The following TTC28 variants were observed in gnomAD, a reference collection of about 807,000 sequenced individuals.
The protein encoded by TTC28 is tetratricopeptide repeat protein 28.
Under a neutral mutation model 198.0 loss-of-function variants are expected in TTC28, and 61 were observed. That is an observed-to-expected ratio of 0.31 (90% CI 0.25 to 0.38). The LOEUF (loss-of-function observed/expected upper bound fraction) is 0.38, where lower values mean the gene tolerates loss of function less well. TTC28 is among the 10% of genes least tolerant of loss of function. The pLI, the probability that TTC28 is intolerant of heterozygous loss-of-function variation, is 1.00. For missense variants in TTC28, 2,678 were observed against 3,164.0 expected, an observed-to-expected ratio of 0.85 and a Z score of 3.69; for synonymous variants, 1,171 against 1,297.8, an observed-to-expected ratio of 0.90 and a Z score of 2.10.
chr22:28,418,628 C>G (rs1348584727), intron 2 of TTC28, among the ~76,000 whole-genome samples: 1 of 152,130 alleles, frequency 6.6e-6, no homozygotes, highest in African/African-American at 2.4e-5. Context: ...AAGAGGCACA[C>G]AGAGAGAAAG....
In TTC28 at chr22:28,619,818, C is replaced by T. The variant is rs538344962; in HGVS notation, c.381+9734G>A. Among the ~76,000 whole-genome samples the T allele has an allele frequency of 5.3e-5, 8 of 152,096 alleles. 1 individual carries two copies. The South Asian group carries it at 1.5e-3, about 28-fold the overall frequency. Reference sequence around the variant, plus strand: ...AATCAAAGCAAAGCAAAACAAACATCGAATTTATAGTAAAGCCAGGGTGGA... The same window carrying T: ...AATCAAAGCAAAGCAAAACAAACATTGAATTTATAGTAAAGCCAGGGTGGA... On this transcript the variant is annotated intron_variant, in intron 2 of 22. Transcript: ENST00000397906.
intron 5 of TTC28, among the ~76,000 whole-genome samples, chr22:28,275,213 A>C (rs1435524926): frequency 2.0e-5 from 3 of 152,188 alleles, no homozygotes; most frequent in Admixed American, 1.3e-4. Flanking sequence ...AAAACAACTC[A>C]AGAAAATCCA....
intron 2 of TTC28, chr22:28,629,292 T>C (rs537211858): frequency 3.4e-5 from 14 of 406,388 alleles, no homozygotes; most frequent in African/African-American, 2.2e-4. Flanking sequence ...ATCTTACTTA[T>C]CAAGCGGCAC....
intron 2 of TTC28, among the ~76,000 whole-genome samples, chr22:28,505,906 A>G (rs1264902130): frequency 6.6e-6 from 1 of 152,208 alleles, no homozygotes; most frequent in Non-Finnish European, 1.5e-5. Flanking sequence ...CCCGGGGAAG[A>G]AGGGTGGCCA....
rs1569094707 is a variant in TTC28, at chr22:28,032,189, AAATATATATATATAAAAT to A, written c.3933-1841_3933-1824del. On this transcript the variant is annotated intron_variant, in intron 12 of 22. Coordinates refer to ENST00000397906, the MANE Select transcript of TTC28 (RefSeq NM_001145418.2). ...GTGTGTATATATATATATATATATA[AAATATATATATATAAAAT>A]ATATATATATAAAATATATATATAT... 8.2e-5 allele frequency among the ~76,000 whole-genome samples: 6 copies of A among 73,302 alleles called. 1 individual carries two copies. The highest frequency in any genetic ancestry group is 3.2e-4 in the African/African-American group (5 of 15,618). The allele number at this position is 73,302 out of a possible 152,430, so 48.1% of individuals were successfully genotyped here.
chr22:28,040,608 C>G (rs987533626), intron 12 of TTC28, among the ~76,000 whole-genome samples: 28 of 151,954 alleles, frequency 1.8e-4, no homozygotes, highest in African/African-American at 6.8e-4. Context: ...AGCTATTTAC[C>G]ACAAACCCAC....
chr22:28,536,096 G>A (rs1220181099), intron 2 of TTC28, among the ~76,000 whole-genome samples: 1 of 150,440 alleles, frequency 6.6e-6, no homozygotes, highest in Non-Finnish European at 1.5e-5. Flanking sequence ...TACTAGGAGA[G>A]GCTGAGGCAG....
rs957206988 is a variant in TTC28 at position 28,393,664 on chromosome 22, A to G, written c.382-87021T>C. Among the ~76,000 whole-genome samples the G allele has an allele frequency of 5.9e-5, 9 of 152,194 alleles. No individual in the cohort carries two copies. In the East Asian group the frequency reaches 1.5e-3, roughly 26 times the overall value. On this transcript the variant is annotated intron_variant, in intron 2 of 22. Transcript: ENST00000397906. ...GGCTGAAATCATACCACTACACTCCAGCCTGAGTGACAGAGGGAGACCCTG... is the reference window on the plus strand; with the variant it reads ...GGCTGAAATCATACCACTACACTCCGGCCTGAGTGACAGAGGGAGACCCTG...
chr22:28,163,582 C>A lies in TTC28; in HGVS notation c.951G>T (p.Leu317Phe), dbSNP rs1921499108. The A allele has an allele frequency of 1.3e-6, 2 of 1,540,402 alleles. No homozygotes were observed. The highest frequency in any genetic ancestry group is 1.8e-6 in the Non-Finnish European group (2 of 1,140,964). The stretch of plus-strand genomic sequence containing the variant: ...CTGTGTACACGTGGCCCAGACTGCT[C>A]AAGGCTGATGAAGCTGCCTGGAGAG... ...LKDREAASSALSSLGHVYTAI... is the reference protein window; with the variant it reads ...LKDREAASSAFSSLGHVYTAI... Residue 317 changes from leucine (L) to phenylalanine (F), a missense_variant, in exon 6 of 23, where the codon TTG (leucine) becomes TTT (phenylalanine). Leu to Phe is a conservative substitution (Grantham distance 22). Around this residue, in one of 8 missense-constraint regions of TTC28, gnomAD observed 775 missense variants for 845.9 expected, o/e 0.92. Transcript: ENST00000397906.
intron 2 of TTC28, among the ~76,000 whole-genome samples, chr22:28,360,580 A>G (rs764971643): frequency 6.6e-6 from 1 of 152,200 alleles, no homozygotes; most frequent in Non-Finnish European, 1.5e-5. Flanking sequence ...TAAGACAACA[A>G]TAGTAAATCT....
chr22:28,659,404 G>A lies in TTC28; in HGVS notation c.102+20218C>T, dbSNP rs534096782. On this transcript the variant is annotated intron_variant, in intron 1 of 22. Coordinates refer to ENST00000397906, the MANE Select transcript of TTC28 (RefSeq NM_001145418.2). ...ATGCCTCTGCCTCCCAAGTAGCTGG[G>A]CCTACAGGTTCATGCCACCACGTCC... 6.6e-5 allele frequency among the ~76,000 whole-genome samples: 10 copies of A among 152,198 alleles called. No homozygotes were observed. The South Asian group carries it at 2.1e-3, about 32-fold the overall frequency.
intron 2 of TTC28, among the ~76,000 whole-genome samples, chr22:28,537,436 G>A (rs1019338463): frequency 1.3e-5 from 2 of 151,778 alleles, no homozygotes; most frequent in South Asian, 4.1e-4. Flanking sequence ...TTCTCAGTAG[G>A]GAAAAGATGA....
intron 16 of TTC28, 50 bp from the exon 17 acceptor site, chr22:27,996,309 GC>G: frequency 6.5e-7 from 1 of 1,534,012 alleles, no homozygotes. Context: ...GAGACCCCCA[GC>G]CCCACCCCGG....
intron 5 of TTC28, among the ~76,000 whole-genome samples, chr22:28,176,529 T>C (rs1306564778): frequency 3.9e-5 from 6 of 152,168 alleles, no homozygotes; most frequent in Non-Finnish European, 7.4e-5. Context: ...TGGCTAACAA[T>C]AAAATACTGT....
chr22:28,087,411 C>T (rs1182599318), intron 12 of TTC28, among the ~76,000 whole-genome samples: 1 of 152,078 alleles, frequency 6.6e-6, no homozygotes, highest in African/African-American at 2.4e-5. Context: ...AGACAAAAAC[C>T]ACATGATTAT....
intron 15 of TTC28, chr22:28,000,368 C>T (rs928148700): frequency 4.6e-5 from 7 of 152,436 alleles, no homozygotes; most frequent in African/African-American, 1.4e-4. Context: ...GGGGGCCACC[C>T]ATGCACAGGG....
At chr22:28,162,434 T>G (rs1311341474) in intron 6 of TTC28, among the ~76,000 whole-genome samples, 1 of 152,254 alleles carries the variant, frequency 6.6e-6, no homozygotes, top group Admixed American at 6.5e-5. Flanking sequence ...CATCTACTGA[T>G]GACTGCTTAG....
chr22:28,568,267 T>A (rs184635410), intron 2 of TTC28, among the ~76,000 whole-genome samples: 144 of 152,316 alleles, frequency 9.5e-4, no homozygotes, highest in African/African-American at 2.7e-3. Flanking sequence ...GATAACACTT[T>A]AAGAAGTAAC....
intron 5 of TTC28, among the ~76,000 whole-genome samples, chr22:28,198,466 T>C (rs895679253): frequency 2.6e-5 from 4 of 152,152 alleles, no homozygotes; most frequent in Non-Finnish European, 5.9e-5. Flanking sequence ...TGCTCACTAA[T>C]AGCAGAATGA....
Sources: gnomAD v4.1 joint callset for allele counts (sites outside exome capture counted in the v4.1 genomes callset) on GRCh38, gnomAD v4.1.1 for gene constraint, gnomAD v4.1.1 regional missense constraint, MANE v1.5 for transcripts, NCBI Gene and HGNC (gene_info 2026-07-23, HGNC 2026-07-21) for gene names.